SMARCC1: variants seen among roughly 807,000 people sequenced by gnomAD.
The protein encoded by SMARCC1 is SWI/SNF complex subunit SMARCC1.
Under a neutral mutation model 147.4 loss-of-function variants are expected in SMARCC1, and 43 were observed. The ratio of observed to expected loss-of-function variants is 0.29; its 90% CI spans 0.23 to 0.38. The LOEUF (loss-of-function observed/expected upper bound fraction) is 0.38. SMARCC1 is among the 10% of genes least tolerant of loss of function. The pLI is 1.00. For synonymous variants in SMARCC1, 495 were observed against 484.4 expected, an observed-to-expected ratio of 1.02 and a Z score of -0.29; for missense variants, 1,119 against 1,381.1, an observed-to-expected ratio of 0.81 and a Z score of 3.01.
intron 1 of SMARCC1, among the ~76,000 whole-genome samples, chr3:47,774,560 G>C (rs1479998895): frequency 6.6e-6 from 1 of 151,916 alleles, no homozygotes; most frequent in Non-Finnish European, 1.5e-5. Context: ...TGGGACTACA[G>C]GCACCCACCA....
intron 2 of SMARCC1, among the ~76,000 whole-genome samples, chr3:47,756,082 C>A (rs945324500): frequency 6.7e-6 from 1 of 148,462 alleles, no homozygotes; most frequent in African/African-American, 2.5e-5. Flanking sequence ...GCTGAGGCAG[C>A]AGAACCATTT....
At chr3:47,738,406 C>T (rs1302734574) in intron 3 of SMARCC1, among the ~76,000 whole-genome samples, 1 of 152,178 alleles carries the variant, frequency 6.6e-6, no homozygotes, top group Non-Finnish European at 1.5e-5. Flanking sequence ...CATATCCAGG[C>T]TGGGCGCAGT....
chr3:47,707,562 GTAAA>G (rs1019266449), intron 9 of SMARCC1, among the ~76,000 whole-genome samples: 16 of 151,906 alleles, frequency 1.1e-4, no homozygotes, highest in African/African-American at 3.9e-4. Context: ...AGAGGCATAA[GTAAA>G]TAATCTAAAA....
chr3:47,631,809 C>T (rs761275156), intron 24 of SMARCC1, among the ~76,000 whole-genome samples: 4 of 152,180 alleles, frequency 2.6e-5, no homozygotes, highest in African/African-American at 7.2e-5. Flanking sequence ...CTTGGACTGG[C>T]TACATAAGTT....
intron 19 of SMARCC1, among the ~76,000 whole-genome samples, chr3:47,669,414 A>C (rs1305430343): frequency 1.3e-5 from 2 of 152,208 alleles, no homozygotes; most frequent in Non-Finnish European, 1.5e-5. Flanking sequence ...ATAGCAATAC[A>C]AAAGTGTGTT....
At chr3:47,629,881 G>C (rs1399841042) in intron 24 of SMARCC1, among the ~76,000 whole-genome samples, 1 of 151,860 alleles carries the variant, frequency 6.6e-6, no homozygotes, top group Non-Finnish European at 1.5e-5. Flanking sequence ...AACTTCAAGG[G>C]TAGTTACATC....
intron 11 of SMARCC1, among the ~76,000 whole-genome samples, chr3:47,696,066 CAA>C (rs1246837047): frequency 2.3e-4 from 8 of 35,492 alleles, no homozygotes; most frequent in East Asian, 1.5e-3. Flanking sequence ...GACGCTGTCT[CAA>C]AAAAAAAAAG....
chr3:47,680,845 C>A (rs1340139801), intron 14 of SMARCC1, among the ~76,000 whole-genome samples: 1 of 151,940 alleles, frequency 6.6e-6, no homozygotes, highest in African/African-American at 2.4e-5. Flanking sequence ...CCGCGCCCGG[C>A]CGGAGTGTTC....
rs1440195403 is a variant in SMARCC1, at chr3:47,781,762, T to C, written c.36A>G (p.Thr12=). The C allele has an allele frequency of 2.0e-6, 3 of 1,491,692 alleles. No homozygotes were observed. The highest frequency in any genetic ancestry group is 2.7e-6 in the Non-Finnish European group (3 of 1,125,042). 92.4% of individuals were successfully genotyped at this position (1,491,692 alleles called of 1,614,324 possible). The change falls in exon 1 of 28, where the codon ACA becomes ACG. Residue 12 remains threonine, a synonymous_variant. Coordinates refer to ENST00000254480, the MANE Select transcript of SMARCC1 (RefSeq NM_003074.4). ...AAAAGGGGPG[T]AVGATGSGIA... is the part of the protein sequence containing the mutation. ...TCCCCGAGCCCGTGGCGCCTACCGCTGTCCCCGGCCCGCCGCCGCCCGCCG... is the reference window on the plus strand; with the variant it reads ...TCCCCGAGCCCGTGGCGCCTACCGCCGTCCCCGGCCCGCCGCCGCCCGCCG...
chr3:47,754,628 C>A (rs757513567), intron 2 of SMARCC1, among the ~76,000 whole-genome samples: 3 of 151,984 alleles, frequency 2.0e-5, no homozygotes, highest in Admixed American at 6.6e-5. Flanking sequence ...AAAAGTAACA[C>A]GCATTATTTT....
At chr3:47,667,004 A>G (rs1252916551) in intron 19 of SMARCC1, among the ~76,000 whole-genome samples, 3 of 152,264 alleles carry the variant, frequency 2.0e-5, no homozygotes, top group Admixed American at 6.5e-5. Flanking sequence ...GTTTCCTATT[A>G]TTTAGCTGGC....
intron 3 of SMARCC1, among the ~76,000 whole-genome samples, chr3:47,740,942 C>T (rs1378606474): frequency 6.6e-6 from 1 of 151,630 alleles, no homozygotes; most frequent in Non-Finnish European, 1.5e-5. Context: ...TGACTCTAGG[C>T]AGTGAACATC....
Position 47,643,929 on chromosome 3 carries a change from G to A in SMARCC1, c.2321-5149C>T, listed in dbSNP as rs538838817. Among the ~76,000 whole-genome samples the A allele has an allele frequency of 3.3e-5, 5 of 152,290 alleles. No individual in the cohort carries two copies. The East Asian group carries it at 5.8e-4, about 18-fold the overall frequency. On this transcript the variant is annotated intron_variant, in intron 21 of 27. Transcript: ENST00000254480. ...AAAATGCAAGGCACGGGAAGCTCACGCCTATAATCTCAGCACTCTGGAAGG... is the reference window on the plus strand; with the variant it reads ...AAAATGCAAGGCACGGGAAGCTCACACCTATAATCTCAGCACTCTGGAAGG...
intron 14 of SMARCC1, among the ~76,000 whole-genome samples, chr3:47,685,407 T>A (rs1219125631): frequency 6.6e-6 from 1 of 152,202 alleles, no homozygotes; most frequent in African/African-American, 2.4e-5. Context: ...AAAAACTTTT[T>A]ATAATAATTT....
At chr3:47,650,301 T>TAATAATA (rs56812175) in intron 21 of SMARCC1, among the ~76,000 whole-genome samples, 1,315 of 129,422 alleles carry the variant, frequency 0.01, 10 homozygotes, top group Non-Finnish European at 0.016. Context: ...TAATAATAAT[T>TAATAATA]ATTATTATTA....
At chr3:47,673,406 G>GGC (rs1553682253) in intron 18 of SMARCC1, among the ~76,000 whole-genome samples, 1 of 126,046 alleles carries the variant, frequency 7.9e-6, no homozygotes, top group East Asian at 3.1e-4. Flanking sequence ...GGGTGGGGGG[G>GGC]GGGCAGGCCA....
chr3:47,638,218 G>A (rs2032999638), intron 22 of SMARCC1, among the ~76,000 whole-genome samples: 1 of 152,072 alleles, frequency 6.6e-6, no homozygotes, highest in Non-Finnish European at 1.5e-5. Context: ...TCAGCCTCCT[G>A]AGTAGCTGGG....
chr3:47,752,901 C>T (rs2106850057), intron 2 of SMARCC1, among the ~76,000 whole-genome samples: 1 of 152,302 alleles, frequency 6.6e-6, no homozygotes, highest in African/African-American at 2.4e-5. Flanking sequence ...CCTCTACTCT[C>T]AACTGTGTGA....
At position 47,693,276 on chromosome 3, in the gene SMARCC1, T is replaced by C; in HGVS notation, c.1190A>G (p.Asn397Ser). The change falls in exon 12 of 28, where the codon AAT becomes AGT. Residue 397 changes from asparagine to serine, a missense_variant. Around this residue, in one of 6 missense-constraint regions of SMARCC1, gnomAD observed 542 missense variants for 611.8 expected, o/e 0.89. Coordinates refer to ENST00000254480, the MANE Select transcript of SMARCC1 (RefSeq NM_003074.4). ...KNVNLKKDSE[N>S]TPVKGGTVAD... ...TACAGTTCCTCCTTTAACAGGTGTA[T>C]TTTCACTATCTTTCTTTAGGTTCAC... The C allele has an allele frequency of 6.3e-7, 1 of 1,591,454 alleles. No individual in the cohort carries two copies. The highest frequency in any genetic ancestry group is 8.6e-7 in the Non-Finnish European group (1 of 1,159,454).
Sources: gnomAD v4.1 joint callset for allele counts (sites outside exome capture counted in the v4.1 genomes callset) on GRCh38, gnomAD v4.1.1 for gene constraint, gnomAD v4.1.1 regional missense constraint, MANE v1.5 for transcripts, NCBI Gene and HGNC (gene_info 2026-07-23, HGNC 2026-07-21) for gene names.